Variants in PCGF3 observed in about 807,000 individuals in gnomAD.
PCGF3 encodes polycomb group RING finger protein 3.
A neutral mutation model predicts 33.1 loss-of-function variants in PCGF3; 7 were observed. The observed-to-expected ratio is 0.21, with a 90% CI of 0.12 to 0.40. The LOEUF is 0.40. PCGF3 is among the 10% of genes least tolerant of loss of function. PCGF3 has a pLI of 1.00. For synonymous variants in PCGF3, 153 were observed against 121.3 expected, an observed-to-expected ratio of 1.26 and a Z score of -1.72; for missense variants, 211 against 313.3, an observed-to-expected ratio of 0.67 and a Z score of 2.46.
chr4:755,128 G>A lies in PCGF3; in HGVS notation c.463-6151G>A, dbSNP rs143124600. Among the ~76,000 whole-genome samples the A allele has an allele frequency of 7.7e-4, 118 of 152,376 alleles. 1 individual carries two copies. The Middle Eastern group carries it at 0.017, about 22-fold the overall frequency. ...GACTGCTGTGTGCACACAGGCCCGC[G>A]TGGTGTCGCAGAGCACACGGCGTTG... On this transcript the variant is annotated intron_variant, in intron 8 of 10. Coordinates refer to ENST00000362003, the Ensembl canonical transcript of PCGF3.
rs948898831 is a variant in PCGF3 at position 730,727 on chromosome 4, G to A, written c.-151+59G>A. The A allele has an allele frequency of 3.6e-5, 11 of 301,920 alleles. No homozygotes were observed. In the South Asian group the frequency reaches 4.9e-4, roughly 13 times the overall value. The allele number at this position is 301,920 out of a possible 1,614,324, so 18.7% of individuals were successfully genotyped here. On this transcript the variant is annotated intron_variant, in intron 2 of 10. Transcript: ENST00000362003. ...CCGCACCTGTGAACTGCCGGACTCC[G>A]CCGGGACCACGCTTTGTGCATGTGG...
chr4:717,963 G>T (rs111303846), intron 1 of PCGF3, among the ~76,000 whole-genome samples: 6 of 152,214 alleles, frequency 3.9e-5, no homozygotes, highest in Non-Finnish European at 8.8e-5. Flanking sequence ...TGGGTGCTGC[G>T]TTGAGGTCAG....
chr4:761,194 A>T, intron 8 of PCGF3, 85 bp from the exon 9 acceptor site: 1 of 1,163,564 alleles, frequency 8.6e-7, no homozygotes, highest in Non-Finnish European at 1.2e-6. Flanking sequence ...TAGATTGAGG[A>T]ATTAGTGAAA....
chr4:761,607 G>T, intron 9 of PCGF3, 191 bp downstream of exon 9: 1 of 959,556 alleles, frequency 1.0e-6, no homozygotes, highest in South Asian at 4.8e-5. Context: ...GATGCCCAGA[G>T]ACAGGGAACG....
At position 715,214 on chromosome 4, in the gene PCGF3, T is replaced by C. The variant is rs182176148; in HGVS notation, c.-190+9244T>C. On this transcript the variant is annotated intron_variant, in intron 1 of 10. Transcript: ENST00000362003. ...CACTGCGAGTGTGAGAACTGGGTGT[T>C]GGTGCTGGGACCCTGTAGACACTGA... is the stretch of plus-strand genomic sequence containing the variant. 6.9e-3 allele frequency among the ~76,000 whole-genome samples: 354 copies of C among 51,176 alleles called. 21 individuals carry two copies. Among genetic ancestry groups the C allele is most frequent in the Middle Eastern group, 0.022 (1 of 46 alleles). The allele number at this position is 51,176 out of a possible 152,430, so 33.6% of individuals were successfully genotyped here.
rs539605075 is a variant in PCGF3, at chr4:753,567, C to T, written c.463-7712C>T. On this transcript the variant is annotated intron_variant, in intron 8 of 10. Transcript: ENST00000362003. Reference sequence around the variant, plus strand: ...CTGAGGCAGGATAATGGCGTAAACCCGGGAGGCAGAGCTTGCAGTGAGCCG... The same window carrying T: ...CTGAGGCAGGATAATGGCGTAAACCTGGGAGGCAGAGCTTGCAGTGAGCCG... Among the ~76,000 whole-genome samples the T allele has an allele frequency of 2.0e-4, 30 of 150,908 alleles. 1 individual carries two copies. The highest frequency in any genetic ancestry group is 7.8e-4 in the East Asian group (4 of 5,142).
intron 8 of PCGF3, among the ~76,000 whole-genome samples, chr4:761,059 G>A (rs748327522): frequency 6.6e-6 from 1 of 152,246 alleles, no homozygotes; most frequent in Non-Finnish European, 1.5e-5. Context: ...AATTAACAGG[G>A]TGAGGTTATA....
intron 1 of PCGF3, among the ~76,000 whole-genome samples, chr4:711,447 T>TTC (rs1742559047): frequency 1.1e-5 from 1 of 91,500 alleles, no homozygotes; most frequent in Non-Finnish European, 2.8e-5. Context: ...ATTTTTCTTT[T>TTC]TTTTTTCTTT....
intron 1 of PCGF3, among the ~76,000 whole-genome samples, chr4:708,334 A>G (rs1364445775): frequency 6.6e-6 from 1 of 152,090 alleles, no homozygotes; most frequent in African/African-American, 2.4e-5. Flanking sequence ...GTCACTGAGG[A>G]GCATGTAGGC....
intron 3 of PCGF3, among the ~76,000 whole-genome samples, chr4:733,065 T>C (rs559094254): frequency 2.6e-3 from 115 of 44,648 alleles, no homozygotes; most frequent in Middle Eastern, 0.014. Context: ...TGCCGCGTGC[T>C]GCCTCCGCCC....
intron 3 of PCGF3, among the ~76,000 whole-genome samples, chr4:733,369 G>C (rs1029681930): frequency 6.6e-6 from 1 of 152,228 alleles, no homozygotes; most frequent in Non-Finnish European, 1.5e-5. Flanking sequence ...CCTCTCTGCA[G>C]CTTTATGGAC....
chr4:753,479 C>T (rs565969968), intron 8 of PCGF3, among the ~76,000 whole-genome samples: 26 of 151,932 alleles, frequency 1.7e-4, no homozygotes, highest in African/African-American at 6.3e-4. Context: ...ACAGTGAAAC[C>T]CCATCTCTAC....
At chr4:728,451 CGTAA>C (rs1743419540) in intron 1 of PCGF3, among the ~76,000 whole-genome samples, 1 of 151,210 alleles carries the variant, frequency 6.6e-6, no homozygotes. Context: ...TGTTAAGTGT[CGTAA>C]GTAATCTGGG....
chr4:767,822 T>C (rs1169295552), exon 11 of PCGF3: 3 of 152,724 alleles, frequency 2.0e-5, no homozygotes, highest in East Asian at 3.9e-4. Flanking sequence ...TGTATAAGGG[T>C]CTATGAGTAG....
intron 1 of PCGF3, among the ~76,000 whole-genome samples, chr4:709,075 T>C (rs1742453797): frequency 6.6e-6 from 1 of 152,200 alleles, no homozygotes; most frequent in Non-Finnish European, 1.5e-5. Flanking sequence ...TGCTGTCCTT[T>C]GACTAGGGAA....
At chr4:735,446 T>A (rs568753808) in intron 5 of PCGF3, among the ~76,000 whole-genome samples, 1 of 152,290 alleles carries the variant, frequency 6.6e-6, no homozygotes, top group East Asian at 1.9e-4. Flanking sequence ...CTCAGGAGGC[T>A]GAGGCAGGAG....
In PCGF3 at chr4:721,810, G is replaced by A. The variant is rs1743088642; in HGVS notation, c.-189-8820G>A. ...TGTGTATGGGCATGGGGAGGGGCCTGTGGGAGGTGGGTGGATGGGTGTCTC... is the reference window on the plus strand; with the variant it reads ...TGTGTATGGGCATGGGGAGGGGCCTATGGGAGGTGGGTGGATGGGTGTCTC... On this transcript the variant is annotated intron_variant, in intron 1 of 10. Transcript: ENST00000362003. The surrounding 1 kb of genome is among the most constrained non-coding windows in gnomAD (Gnocchi z 4.1). 7.3e-6 allele frequency among the ~76,000 whole-genome samples: 1 copy of A among 136,258 alleles called. No homozygotes were observed. The highest frequency in any genetic ancestry group is 1.7e-5 in the Non-Finnish European group (1 of 60,068). 89.4% of individuals were successfully genotyped at this position (136,258 alleles called of 152,430 possible). A position where few individuals can be genotyped will look rare whatever the true frequency, so the allele number is the denominator to read the frequency against.
At chr4:748,290 C>A (rs56118250) in intron 8 of PCGF3, among the ~76,000 whole-genome samples, 16,210 of 151,902 alleles carry the variant, frequency 0.11, 1,693 homozygotes, top group African/African-American at 0.27. Flanking sequence ...GCCTCTGCCT[C>A]CTGGGTTCAA....
intron 1 of PCGF3, chr4:722,526 A>T (rs565459914): frequency 5.3e-6 from 1 of 188,680 alleles, no homozygotes; most frequent in Non-Finnish European, 1.0e-5. Context: ...GTCCACACTC[A>T]GTCATCGCCC....
Sources: allele counts gnomAD v4.1 joint callset (sites outside exome capture counted in the v4.1 genomes callset), GRCh38; gene constraint gnomAD v4.1.1; non-coding constraint Gnocchi (gnomAD v3.1); transcripts MANE v1.5; gene names NCBI Gene and HGNC (gene_info 2026-07-23, HGNC 2026-07-21).